GAS7: variants seen among roughly 807,000 people sequenced by gnomAD.
GAS7 encodes growth arrest specific 7, also known as growth arrest-specific protein 7.
A neutral mutation model predicts 71.1 loss-of-function variants in GAS7; 28 were observed. The observed-to-expected ratio is 0.39, with a 90% CI of 0.29 to 0.54. GAS7 has a LOEUF of 0.54. Among genes scored for constraint, GAS7 ranks in the 20% least tolerant of loss-of-function variants. GAS7 has a pLI of 0.62. For missense variants in GAS7, 436 were observed against 627.8 expected, an observed-to-expected ratio of 0.69 and a Z score of 3.27; for synonymous variants, 258 against 245.8, an observed-to-expected ratio of 1.05 and a Z score of -0.46.
intron 1 of GAS7, among the ~76,000 whole-genome samples, chr17:10,100,921 C>T (rs1475887498): frequency 6.6e-6 from 1 of 152,156 alleles, no homozygotes; most frequent in Non-Finnish European, 1.5e-5. Context: ...TTTGCTTCTT[C>T]TATTGGTTAT....
At chr17:10,029,936 C>A (rs1185071206) in intron 1 of GAS7, among the ~76,000 whole-genome samples, 5 of 152,036 alleles carry the variant, frequency 3.3e-5, no homozygotes, top group Admixed American at 3.3e-4. Flanking sequence ...ATCATGAGAA[C>A]ACCGAGGGAG....
At chr17:10,162,178 A>G (rs1485381436) in intron 1 of GAS7, among the ~76,000 whole-genome samples, 1 of 151,946 alleles carries the variant, frequency 6.6e-6, no homozygotes, top group Non-Finnish European at 1.5e-5. Flanking sequence ...TCCCTCTGAG[A>G]TAAACTGAAA....
At chr17:10,186,746 G>T (rs1043310097) in intron 1 of GAS7, among the ~76,000 whole-genome samples, 3 of 152,134 alleles carry the variant, frequency 2.0e-5, no homozygotes, top group African/African-American at 7.2e-5. Flanking sequence ...GACTGGGTTG[G>T]GTACAGTGGC....
chr17:10,049,907 AC>A (rs1475604702), intron 1 of GAS7, among the ~76,000 whole-genome samples: 2 of 152,090 alleles, frequency 1.3e-5, no homozygotes, highest in Non-Finnish European at 2.9e-5. Flanking sequence ...GGCGTGAGCC[AC>A]CGCGCCCGGT....
At chr17:10,040,016 C>T (rs117119548) in intron 1 of GAS7, among the ~76,000 whole-genome samples, 1,997 of 152,286 alleles carry the variant, frequency 0.013, 19 homozygotes, top group Non-Finnish European at 0.019. Flanking sequence ...TCTCTAATTG[C>T]TGGGTTTCAA....
intron 1 of GAS7, among the ~76,000 whole-genome samples, chr17:10,085,416 G>C: frequency 6.6e-6 from 1 of 152,162 alleles, no homozygotes; most frequent in Non-Finnish European, 1.5e-5. Flanking sequence ...GGGCGCAGTG[G>C]CTCACGCCTG....
At chr17:9,954,297 G>T (rs1302739912) in intron 5 of GAS7, among the ~76,000 whole-genome samples, 2 of 152,162 alleles carry the variant, frequency 1.3e-5, no homozygotes, top group African/African-American at 4.8e-5. Context: ...GTCTTGCAGG[G>T]GTGCCAAGGT....
intron 2 of GAS7, among the ~76,000 whole-genome samples, chr17:9,996,670 G>A (rs565928727): frequency 1.4e-4 from 21 of 150,116 alleles, no homozygotes; most frequent in South Asian, 8.5e-4. Flanking sequence ...ACAGAGGCTC[G>A]CTCTGTCGCC....
chr17:10,062,530 GA>G (rs2073231273), intron 1 of GAS7, among the ~76,000 whole-genome samples: 1 of 152,156 alleles, frequency 6.6e-6, no homozygotes, highest in East Asian at 1.9e-4. Context: ...ACAACTGATC[GA>G]GATATCATTT....
At chr17:9,954,706 G>A (rs1039424210) in intron 5 of GAS7, among the ~76,000 whole-genome samples, 1 of 152,120 alleles carries the variant, frequency 6.6e-6, no homozygotes, top group Non-Finnish European at 1.5e-5. Context: ...GCCTCTGGTT[G>A]GTAGGGGCCA....
intron 2 of GAS7, among the ~76,000 whole-genome samples, chr17:9,999,800 G>A (rs1470248689): frequency 6.6e-6 from 1 of 152,120 alleles, no homozygotes; most frequent in African/African-American, 2.4e-5. Context: ...GTCAAAAATG[G>A]CATTCAGGAT....
At chr17:9,920,202 T>C (rs2067756443) in intron 11 of GAS7, among the ~76,000 whole-genome samples, 2 of 151,928 alleles carry the variant, frequency 1.3e-5, no homozygotes, top group African/African-American at 2.4e-5. Flanking sequence ...TGTGTGTGTG[T>C]GCATGAACAC....
intron 2 of GAS7, among the ~76,000 whole-genome samples, chr17:9,990,228 C>T (rs1043994474): frequency 7.9e-5 from 12 of 152,032 alleles, no homozygotes; most frequent in Non-Finnish European, 1.2e-4. Context: ...GAGATCGCAC[C>T]GCTGCACTTC....
At chr17:10,154,097 G>T (rs2074187024) in intron 1 of GAS7, among the ~76,000 whole-genome samples, 1 of 152,132 alleles carries the variant, frequency 6.6e-6, no homozygotes, top group Admixed American at 6.6e-5. Flanking sequence ...AGATAGAAAG[G>T]AAAGTAAAAA....
chr17:9,941,274 C>T (rs1004836149), intron 7 of GAS7, among the ~76,000 whole-genome samples: 2 of 152,214 alleles, frequency 1.3e-5, no homozygotes, highest in Non-Finnish European at 2.9e-5. Flanking sequence ...ACTTCCTCTC[C>T]ATCCCCCTAC....
rs554828820 is a variant in GAS7 at position 10,090,485 on chromosome 17, G to A, written c.184-70588C>T. The stretch of plus-strand genomic sequence containing the variant: ...GATCTCTGCAACACACCTCACAGCC[G>A]ACAGAGACACAAGCATACTACACCG... On this transcript the variant is annotated intron_variant, in intron 1 of 13. Coordinates refer to ENST00000432992, the MANE Select transcript of GAS7 (RefSeq NM_201433.2). Among the ~76,000 whole-genome samples, 37 of 152,216 alleles carry A rather than the reference G, an allele frequency of 2.4e-4. 1 individual carries two copies. The South Asian group carries it at 6.6e-3, about 27-fold the overall frequency.
chr17:9,990,568 G>A (rs2070803710), intron 2 of GAS7, among the ~76,000 whole-genome samples: 1 of 152,178 alleles, frequency 6.6e-6, no homozygotes, highest in Non-Finnish European at 1.5e-5. Context: ...CTATCACAGA[G>A]GGAAGGAGCA....
intron 1 of GAS7, among the ~76,000 whole-genome samples, chr17:10,157,036 A>C (rs2142113894): frequency 6.6e-6 from 1 of 152,256 alleles, no homozygotes; most frequent in South Asian, 2.1e-4. Flanking sequence ...TCACAAAATG[A>C]CATCTGAGAA....
intron 2 of GAS7, among the ~76,000 whole-genome samples, chr17:10,009,318 C>CAAAAAAAA (rs541133967): frequency 0.098 from 7,600 of 77,598 alleles, 517 homozygotes; most frequent in Middle Eastern, 0.14. Flanking sequence ...GAGACTCCGT[C>CAAAAAAAA]AAAAAAAAAA....
Sources: allele counts gnomAD v4.1 joint callset (sites outside exome capture counted in the v4.1 genomes callset), GRCh38; gene constraint gnomAD v4.1.1; transcripts MANE v1.5; gene names NCBI Gene and HGNC (gene_info 2026-07-23, HGNC 2026-07-21).